CFHR4: variants seen among roughly 807,000 people sequenced by gnomAD.
CFHR4 encodes the protein complement factor H related 4.
CFHR4 carries 64 observed loss-of-function variants against 69.3 expected under a neutral mutation model. The observed-to-expected ratio is 0.92, with a 90% confidence interval of 0.76 to 1.14. CFHR4 has a LOEUF of 1.14. Ranked by LOEUF, CFHR4 falls within the 50% of genes most tolerant of loss-of-function variation. The probability of loss-of-function intolerance (pLI) is 0.00; values close to 1 mark genes in which losing one functional copy is unlikely to be tolerated. For missense variants in CFHR4, 636 were observed against 684.9 expected (o/e 0.93, Z 0.80); for synonymous variants, 244 against 237.0 (o/e 1.03, Z -0.27).
intron 9 of CFHR4, among the ~76,000 whole-genome samples, chr1:196,915,344 A>G (rs1490097058): frequency 6.6e-6 from 1 of 151,330 alleles, no homozygotes; most frequent in Non-Finnish European, 1.5e-5. Flanking sequence ...TCTTTTTTAA[A>G]ACAGGAATGT....
At chr1:196,913,830 AAAAG>A (rs925035283) in intron 7 of CFHR4, among the ~76,000 whole-genome samples, 11 of 151,454 alleles carry the variant, frequency 7.3e-5, no homozygotes, top group African/African-American at 2.4e-4. Context: ...TAAGTGAGAA[AAAAG>A]AAAGACACAT....
rs1279440879 is a variant in CFHR4, at chr1:196,905,257, C to T, written c.406C>T (p.Gln136Ter). 8 of 1,611,348 alleles carry T rather than the reference C, an allele frequency of 5.0e-6. No homozygotes were observed. Among genetic ancestry groups the T allele is most frequent in the Non-Finnish European group, 6.8e-6 (8 of 1,178,782 alleles). ...GNSSGSITCL[Q>*]NGWSTQPICI... ...TTCTTCAGGATCAATTACATGTTTG[C>T]AAAATGGATGGTCAACACAACCAAT... is the stretch of plus-strand genomic sequence containing the variant. Residue 136 changes from glutamine (Q) to a stop codon, truncating the protein, a stop_gained, in exon 3 of 10, where the codon CAA (glutamine) becomes TAA (stop). Transcript: ENST00000608469. LOFTEE classifies it high-confidence loss of function.
intron 4 of CFHR4, 25 bp downstream of exon 4, chr1:196,907,062 T>A: frequency 6.4e-7 from 1 of 1,573,582 alleles, no homozygotes; most frequent in Non-Finnish European, 8.7e-7. Flanking sequence ...CAAGTATTTC[T>A]TTTTACTAGA....
Position 196,918,284 on chromosome 1 carries a change from T to A in CFHR4, c.1615T>A (p.Tyr539Asn), listed in dbSNP as rs747281439. The A allele has an allele frequency of 1.2e-6, 2 of 1,609,026 alleles. No individual in the cohort carries two copies. The highest frequency in any genetic ancestry group is 2.2e-5 in the South Asian group (2 of 90,972). ...AAAAGGAAAAAGTGACATAAAATATTATGCAAAAACAGGGGATACCATTGA... is the reference window on the plus strand; with the variant it reads ...AAAAGGAAAAAGTGACATAAAATATAATGCAAAAACAGGGGATACCATTGA... Reference protein sequence around the residue: ...QLKGKSDIKYYAKTGDTIEFM... With the variant: ...QLKGKSDIKYNAKTGDTIEFM... The change falls in exon 10 of 10, where the codon TAT (tyrosine) becomes AAT (asparagine). Residue 539 changes from tyrosine to asparagine, a missense_variant. This residue lies in a region of CFHR4 where 85 missense variants were observed against 79.0 expected (regional missense o/e 1.08). Coordinates refer to ENST00000608469, the MANE Select transcript of CFHR4 (RefSeq NM_001201550.3).
chr1:196,891,791 A>G (rs1488577516), intron 1 of CFHR4, among the ~76,000 whole-genome samples: 1 of 151,236 alleles, frequency 6.6e-6, no homozygotes, highest in East Asian at 1.9e-4. Context: ...CTCTTTGTAT[A>G]TACATATACA....
In CFHR4 at chr1:196,906,425, T is replaced by A. The variant is rs1267223632; in HGVS notation, c.440-436T>A. Among the ~76,000 whole-genome samples the A allele has an allele frequency of 1.3e-5, 2 of 151,536 alleles. 1 individual carries two copies. The highest frequency in any genetic ancestry group is 4.2e-4 in the South Asian group (2 of 4,816). On this transcript the variant is annotated intron_variant, in intron 3 of 9. Transcript: ENST00000608469. The stretch of plus-strand genomic sequence containing the variant: ...AATAAAAGATGCTTTAAAATTTTTA[T>A]AGAACGTATATCCAATGAATATAAT...
intron 1 of CFHR4, among the ~76,000 whole-genome samples, chr1:196,895,445 A>T (rs542896273): frequency 6.6e-6 from 1 of 151,312 alleles, no homozygotes; most frequent in Admixed American, 6.6e-5. Context: ...TGTTCCTTAG[A>T]TTCTTTTCAC....
At chr1:196,910,164 A>C (rs1658172956) in intron 5 of CFHR4, 117 bp from the exon 6 acceptor site, 4 of 684,556 alleles carry the variant, frequency 5.8e-6, no homozygotes, top group Non-Finnish European at 9.0e-6. Context: ...AAAAAAAAAA[A>C]AGTAAAGAAA....
intron 2 of CFHR4, among the ~76,000 whole-genome samples, chr1:196,904,377 T>C (rs935600602): frequency 6.6e-6 from 1 of 151,474 alleles, no homozygotes; most frequent in Non-Finnish European, 1.5e-5. Context: ...GATAGTAAAA[T>C]TGGTCCATTT....
chr1:196,906,047 G>T (rs1437640395), intron 3 of CFHR4, among the ~76,000 whole-genome samples: 2 of 151,320 alleles, frequency 1.3e-5, no homozygotes, highest in East Asian at 3.9e-4. Context: ...ATCATTTAAT[G>T]TATTTTTAAC....
intron 5 of CFHR4, among the ~76,000 whole-genome samples, chr1:196,908,160 G>A (rs1327383293): frequency 6.6e-6 from 1 of 151,356 alleles, no homozygotes; most frequent in Non-Finnish European, 1.5e-5. Flanking sequence ...GTCTGTCACA[G>A]GATGGGGAGC....
In CFHR4 at chr1:196,918,250, C is replaced by A. The variant is rs536482365; in HGVS notation, c.1581C>A (p.Asn527Lys). 20 of 1,605,562 alleles carry A rather than the reference C, an allele frequency of 1.2e-5. No homozygotes were observed. In the African/African-American group the frequency reaches 2.3e-4, roughly 18 times the overall value. Residue 527 changes from asparagine to lysine, a missense_variant, in exon 10 of 10, where the codon AAC becomes AAA. Asn to Lys is a moderately conservative substitution (Grantham distance 94). Transcript: ENST00000608469. Reference protein sequence around the residue: ...IITEENMNKNNIQLKGKSDIK... With the variant: ...IITEENMNKNKIQLKGKSDIK... The stretch of plus-strand genomic sequence containing the variant: ...CTGAAGAAAACATGAATAAAAATAA[C>A]ATACAGTTAAAAGGAAAAAGTGACA...
chr1:196,918,447 C>G lies in CFHR4; in HGVS notation c.*41C>G. 6.5e-7 allele frequency: 1 copy of G among 1,549,892 alleles called. No individual in the cohort carries two copies. Among genetic ancestry groups the G allele is most frequent in the South Asian group, 1.1e-5 (1 of 89,772 alleles). On this transcript the variant is annotated 3_prime_UTR_variant, in exon 10 of 10. Coordinates refer to ENST00000608469, the MANE Select transcript of CFHR4 (RefSeq NM_001201550.3). The stretch of plus-strand genomic sequence containing the variant: ...CTAAATGTATGTCCAACTTCCACTT[C>G]TCACTCTTATGGTCTCAAAGCTTGC...
intron 3 of CFHR4, 63 bp from the exon 4 acceptor site, chr1:196,906,798 T>C: frequency 6.6e-7 from 1 of 1,505,780 alleles, no homozygotes; most frequent in Non-Finnish European, 8.9e-7. Flanking sequence ...CAATGGGACT[T>C]TCTTAGTCGA....
At position 196,895,846 on chromosome 1, in the gene CFHR4, T is replaced by C. The variant is rs566482406; in HGVS notation, c.59-6572T>C. Among the ~76,000 whole-genome samples, 5 of 151,750 alleles carry C rather than the reference T, an allele frequency of 3.3e-5. No homozygotes were observed. The South Asian group carries it at 1.0e-3, about 31-fold the overall frequency. ...TAATTTTTTTGTTGAAAACTGAACATTTTAGTCTAATAATGGGTAACAACT... is the reference window on the plus strand; with the variant it reads ...TAATTTTTTTGTTGAAAACTGAACACTTTAGTCTAATAATGGGTAACAACT... On this transcript the variant is annotated intron_variant, in intron 1 of 9. Coordinates refer to ENST00000608469, the MANE Select transcript of CFHR4 (RefSeq NM_001201550.3).
At chr1:196,918,045 A>G (rs1232105816) in intron 9 of CFHR4, among the ~76,000 whole-genome samples, 165 bp from the exon 10 acceptor site, 1 of 151,674 alleles carries the variant, frequency 6.6e-6, no homozygotes, top group African/African-American at 2.4e-5. Flanking sequence ...TGAACTTATT[A>G]TATTTTTGAA....
At chr1:196,916,813 C>G (rs12748879) in intron 9 of CFHR4, among the ~76,000 whole-genome samples, 2 of 149,028 alleles carry the variant, frequency 1.3e-5, no homozygotes, top group Non-Finnish European at 3.0e-5. Flanking sequence ...TCTGAAGATA[C>G]AAGATCAGTT....
rs1658465819 is a variant in CFHR4, at chr1:196,914,517, T to C, written c.1203T>C (p.Phe401=). ...CAGAATTTTGTGATATGCCTGTTTTTGAGAATTCCAGAGCCAAGAGTAATG... is the reference window on the plus strand; with the variant it reads ...CAGAATTTTGTGATATGCCTGTTTTCGAGAATTCCAGAGCCAAGAGTAATG... ...ICIKFCDMPV[F]ENSRAKSNGM... is the part of the protein sequence containing the mutation. Residue 401 remains phenylalanine (F), a synonymous_variant, in exon 8 of 10, where the codon TTT becomes TTC. Coordinates refer to ENST00000608469, the MANE Select transcript of CFHR4 (RefSeq NM_001201550.3). 1 of 1,606,186 alleles carries C rather than the reference T, an allele frequency of 6.2e-7. No individual in the cohort carries two copies. The highest frequency in any genetic ancestry group is 8.5e-7 in the Non-Finnish European group (1 of 1,177,232).
At chr1:196,913,639 A>G (rs1243515136) in intron 7 of CFHR4, among the ~76,000 whole-genome samples, 2 of 151,400 alleles carry the variant, frequency 1.3e-5, no homozygotes, top group African/African-American at 2.4e-5. Flanking sequence ...CTCTTTATAT[A>G]TTCACAAAGA....
Sources: gnomAD v4.1 joint callset for allele counts (sites outside exome capture counted in the v4.1 genomes callset) on GRCh38, gnomAD v4.1.1 for gene constraint, gnomAD v4.1.1 regional missense constraint, MANE v1.5 for transcripts, NCBI Gene and HGNC (gene_info 2026-07-23, HGNC 2026-07-21) for gene names.